Variants in CUX2 observed in about 807,000 individuals in gnomAD.
The protein encoded by CUX2 is homeobox protein cut-like 2.
CUX2 carries 40 observed loss-of-function variants against 144.8 expected under a neutral mutation model. That is an observed-to-expected ratio of 0.28 (90% CI 0.21 to 0.36). The LOEUF (loss-of-function observed/expected upper bound fraction) is 0.36. CUX2 is among the 10% of genes least tolerant of loss of function. The pLI is 1.00. For synonymous variants in CUX2, 827 were observed against 875.6 expected (o/e 0.94, Z 0.98); for missense variants, 1,615 against 1,994.0 (o/e 0.81, Z 3.62).
intron 9 of CUX2, among the ~76,000 whole-genome samples, chr12:111,299,702 G>T (rs561627430): frequency 2.0e-5 from 3 of 152,264 alleles, no homozygotes; most frequent in African/African-American, 7.2e-5. Context: ...TTTTTAGAAT[G>T]ATTTTTTGAA....
chr12:111,300,921 C>T (rs1181459824), intron 9 of CUX2, among the ~76,000 whole-genome samples: 1 of 151,806 alleles, frequency 6.6e-6, no homozygotes, highest in Admixed American at 6.6e-5. Context: ...GCCTGTAGTC[C>T]CAGCTGCTCA....
chr12:111,258,238 C>T (rs770223478), intron 3 of CUX2, among the ~76,000 whole-genome samples: 5 of 152,156 alleles, frequency 3.3e-5, no homozygotes, highest in East Asian at 1.9e-4. Flanking sequence ...ATTTAAGGAC[C>T]GCGGTGGCTC....
At chr12:111,327,644 A>G (rs1022025570) in intron 18 of CUX2, among the ~76,000 whole-genome samples, 2 of 152,136 alleles carry the variant, frequency 1.3e-5, no homozygotes, top group Non-Finnish European at 2.9e-5. Context: ...GTAAGCAGAG[A>G]AGATGGAGAA....
intron 1 of CUX2, among the ~76,000 whole-genome samples, chr12:111,189,431 T>C (rs926613737): frequency 5.3e-5 from 8 of 152,252 alleles, no homozygotes; most frequent in Admixed American, 1.3e-4. Context: ...CTTACGTAAA[T>C]GGAATCGTAC....
Position 111,072,884 on chromosome 12 carries a change from G to A in CUX2, c.63+38644G>A, listed in dbSNP as rs539887869. 1.6e-3 allele frequency among the ~76,000 whole-genome samples: 251 copies of A among 152,256 alleles called. 2 individuals are homozygous for A. The highest frequency in any genetic ancestry group is 5.8e-3 in the African/African-American group (239 of 41,544). On this transcript the variant is annotated intron_variant, in intron 1 of 21. Coordinates refer to ENST00000261726, the MANE Select transcript of CUX2 (RefSeq NM_015267.4). ...AGTGAGCAAATTTTTGATGAATGAAGAAACACATTTGCTGTTATCCTACTC... is the reference window on the plus strand; with the variant it reads ...AGTGAGCAAATTTTTGATGAATGAAAAAACACATTTGCTGTTATCCTACTC...
At chr12:111,123,222 G>A (rs377125997) in intron 1 of CUX2, among the ~76,000 whole-genome samples, 85 of 152,264 alleles carry the variant, frequency 5.6e-4, no homozygotes, top group East Asian at 2.3e-3. Context: ...TCCCTCTGTC[G>A]CCCAGGCTGA....
At chr12:111,223,609 T>C (rs1881970275) in intron 3 of CUX2, among the ~76,000 whole-genome samples, 1 of 152,156 alleles carries the variant, frequency 6.6e-6, no homozygotes, top group South Asian at 2.1e-4. Context: ...GAAGTGTGAC[T>C]ACCTGGAGAC....
intron 1 of CUX2, among the ~76,000 whole-genome samples, chr12:111,172,322 T>A (rs1566271708): frequency 6.6e-6 from 1 of 152,194 alleles, no homozygotes; most frequent in African/African-American, 2.4e-5. Flanking sequence ...ATTTAAAAAA[T>A]CAGCAGGGTT....
chr12:111,202,674 C>T (rs1280777109), intron 1 of CUX2, among the ~76,000 whole-genome samples: 7 of 152,094 alleles, frequency 4.6e-5, no homozygotes, highest in Admixed American at 4.6e-4. Context: ...GTGGAGCTGA[C>T]ATTGGAGGGG....
intron 1 of CUX2, among the ~76,000 whole-genome samples, chr12:111,082,697 C>T (rs370335768): frequency 5.3e-4 from 81 of 152,238 alleles, no homozygotes; most frequent in South Asian, 3.9e-3. Flanking sequence ...TTCCCTGAAA[C>T]GTGGAAGACT....
intron 4 of CUX2, among the ~76,000 whole-genome samples, chr12:111,274,729 C>G (rs552195042): frequency 6.6e-6 from 1 of 152,212 alleles, no homozygotes; most frequent in African/African-American, 2.4e-5. Context: ...CTCCCACCCC[C>G]GCAGGCGCCC....
At chr12:111,132,322 C>G (rs1875541185) in intron 1 of CUX2, among the ~76,000 whole-genome samples, 1 of 152,146 alleles carries the variant, frequency 6.6e-6, no homozygotes, top group African/African-American at 2.4e-5. Flanking sequence ...CTGGACCCAG[C>G]CCATGAAATC....
intron 20 of CUX2, among the ~76,000 whole-genome samples, chr12:111,340,060 G>T (rs1270897506): frequency 6.6e-6 from 1 of 152,150 alleles, no homozygotes; most frequent in Admixed American, 6.6e-5. Context: ...GCTGGGCATG[G>T]TGATGCATGC....
intron 21 of CUX2, among the ~76,000 whole-genome samples, chr12:111,342,684 C>T (rs563156750): frequency 2.2e-4 from 33 of 150,658 alleles, no homozygotes; most frequent in African/African-American, 5.8e-4. Flanking sequence ...GTAGGCCAGG[C>T]GCGGTGGCTC....
At chr12:111,122,833 G>A (rs966887839) in intron 1 of CUX2, among the ~76,000 whole-genome samples, 7 of 152,144 alleles carry the variant, frequency 4.6e-5, no homozygotes, top group African/African-American at 1.7e-4. Flanking sequence ...CTTCAAATGG[G>A]GCAGGGGACT....
At chr12:111,113,836 C>T (rs117000837) in intron 1 of CUX2, among the ~76,000 whole-genome samples, 2,491 of 152,342 alleles carry the variant, frequency 0.016, 53 homozygotes, top group Non-Finnish European at 0.018. Flanking sequence ...GGATTACAGG[C>T]GTGAGCTGCC....
intron 1 of CUX2, among the ~76,000 whole-genome samples, chr12:111,101,408 T>C (rs1273964689): frequency 6.6e-6 from 1 of 152,178 alleles, no homozygotes; most frequent in Non-Finnish European, 1.5e-5. Context: ...ATCCATGCCT[T>C]GCAGGGAACC....
chr12:111,065,344 G>A (rs1645310950), intron 1 of CUX2, among the ~76,000 whole-genome samples: 1 of 152,214 alleles, frequency 6.6e-6, no homozygotes, highest in South Asian at 2.1e-4. Flanking sequence ...TTTTTGGTTT[G>A]TTTGTTTGAG....
At chr12:111,055,265 A>G (rs1291889343) in intron 1 of CUX2, among the ~76,000 whole-genome samples, 1 of 152,232 alleles carries the variant, frequency 6.6e-6, no homozygotes. Flanking sequence ...TGGGACAAGC[A>G]TCAGGGATGT....
Sources: allele counts gnomAD v4.1 joint callset (sites outside exome capture counted in the v4.1 genomes callset), GRCh38; gene constraint gnomAD v4.1.1; transcripts MANE v1.5; gene names NCBI Gene and HGNC (gene_info 2026-07-23, HGNC 2026-07-21).